The following FOXP1 variants were observed in gnomAD, a reference collection of about 807,000 sequenced individuals.
FOXP1 encodes the protein forkhead box P1.
FOXP1 carries 15 observed loss-of-function variants against 98.2 expected under a neutral mutation model. The ratio of observed to expected loss-of-function variants is 0.15; its 90% confidence interval spans 0.10 to 0.24. The LOEUF (loss-of-function observed/expected upper bound fraction) is 0.24. FOXP1 is among the 10% of genes least tolerant of loss of function. The pLI is 1.00. For synonymous variants in FOXP1, 371 were observed against 314.5 expected (o/e 1.18, Z -1.90); for missense variants, 633 against 848.5 (o/e 0.75, Z 3.15).
intron 2 of FOXP1, chr3:71,573,941 G>A (rs890413176): frequency 2.6e-5 from 4 of 152,120 alleles, no homozygotes; most frequent in Admixed American, 6.5e-5. Context: ...CAACAAACAA[G>A]GCGGAATGAC....
intron 3 of FOXP1, among the ~76,000 whole-genome samples, chr3:71,472,394 G>A (rs1020122722): frequency 2.0e-5 from 3 of 151,584 alleles, no homozygotes; most frequent in African/African-American, 4.8e-5. Flanking sequence ...TTATGGGTCC[G>A]AGAGGATTCA....
chr3:71,056,967 C>T (rs778893592), intron 7 of FOXP1, among the ~76,000 whole-genome samples: 3 of 152,290 alleles, frequency 2.0e-5, no homozygotes, highest in East Asian at 3.9e-4. Flanking sequence ...GCAGTACCAG[C>T]GAGAGGCTAT....
intron 5 of FOXP1, among the ~76,000 whole-genome samples, chr3:71,224,535 G>A (rs961014477): frequency 1.3e-5 from 2 of 152,194 alleles, no homozygotes; most frequent in African/African-American, 4.8e-5. Context: ...GAGATGGGAA[G>A]CTGTGATCAA....
Position 70,958,470 on chromosome 3 carries a change from G to C in FOXP1, c.*777C>G. The C allele has an allele frequency of 2.6e-6, 1 of 391,502 alleles. No homozygotes were observed. The highest frequency in any genetic ancestry group is 4.9e-6 in the Non-Finnish European group (1 of 203,118). The allele number at this position is 391,502 out of a possible 1,614,324, so 24.3% of individuals were successfully genotyped here. A position where few individuals can be genotyped will look rare whatever the true frequency, so the allele number is the denominator to read the frequency against. ...ACGTGGTGATGTCTGAAGGAAGATG[G>C]AATGAGTGACAGAAAGCTACAAACG... is the stretch of plus-strand genomic sequence containing the variant. On this transcript the variant is annotated 3_prime_UTR_variant, in exon 21 of 21. Coordinates refer to ENST00000649528, the MANE Select transcript of FOXP1 (RefSeq NM_001349338.3).
intron 6 of FOXP1, among the ~76,000 whole-genome samples, chr3:71,119,186 G>C (rs986652028): frequency 6.6e-6 from 1 of 152,224 alleles, no homozygotes; most frequent in East Asian, 1.9e-4. Flanking sequence ...ATCTGAAACT[G>C]TTTAAAACTT....
At chr3:71,486,782 A>G (rs1005883538) in intron 3 of FOXP1, among the ~76,000 whole-genome samples, 5 of 152,198 alleles carry the variant, frequency 3.3e-5, no homozygotes, top group Admixed American at 6.5e-5. Flanking sequence ...CATTACTTGA[A>G]CCAACTTAAC....
chr3:71,391,322 T>C (rs1167449468), intron 3 of FOXP1, among the ~76,000 whole-genome samples: 2 of 152,196 alleles, frequency 1.3e-5, no homozygotes, highest in African/African-American at 4.8e-5. Flanking sequence ...TAGACATAGG[T>C]TGAAAAATCT....
chr3:71,033,858 C>T (rs1039681732), intron 11 of FOXP1, among the ~76,000 whole-genome samples: 1 of 152,138 alleles, frequency 6.6e-6, no homozygotes, highest in African/African-American at 2.4e-5. Flanking sequence ...GTTTAGGGTA[C>T]AAAATGCTGA....
At chr3:71,198,038 T>A (rs763034664) in intron 6 of FOXP1, 164 bp downstream of exon 6, 1 of 1,614,234 alleles carries the variant, frequency 6.2e-7, no homozygotes, top group South Asian at 1.1e-5. Context: ...CTGCTGGGAC[T>A]CCTAGAGGGC....
At chr3:71,096,595 AG>A (rs1157615165) in intron 7 of FOXP1, among the ~76,000 whole-genome samples, 1 of 152,204 alleles carries the variant, frequency 6.6e-6, no homozygotes, top group Non-Finnish European at 1.5e-5. Flanking sequence ...TGGGCATCTT[AG>A]GAGGGCTCCA....
chr3:71,071,578 T>C (rs529161024), intron 7 of FOXP1, among the ~76,000 whole-genome samples: 1 of 152,244 alleles, frequency 6.6e-6, no homozygotes, highest in African/African-American at 2.4e-5. Context: ...CTATAATTTC[T>C]TTTTTTCTTT....
Position 71,230,385 on chromosome 3 carries a change from G to A in FOXP1, c.-11-31993C>T, listed in dbSNP as rs149661437. 2.0e-3 allele frequency among the ~76,000 whole-genome samples: 304 copies of A among 152,296 alleles called. 3 individuals carry two copies. The highest frequency in any genetic ancestry group is 6.5e-3 in the African/African-American group (272 of 41,560). On this transcript the variant is annotated intron_variant, in intron 5 of 20. Transcript: ENST00000649528. ...CTTACATAGCAGAATGCCTTGGGCA[G>A]ACAAAACTGCCCTCAGAGGTAGTAC...
At chr3:71,125,978 G>C (rs1037626694) in intron 6 of FOXP1, among the ~76,000 whole-genome samples, 2 of 152,132 alleles carry the variant, frequency 1.3e-5, no homozygotes, top group African/African-American at 4.8e-5. Context: ...AAGTACCTAT[G>C]TCAAATTGAT....
At chr3:71,377,972 T>C (rs2079846300) in intron 3 of FOXP1, among the ~76,000 whole-genome samples, 2 of 152,248 alleles carry the variant, frequency 1.3e-5, no homozygotes, top group South Asian at 2.1e-4. Context: ...ACATCTAAAC[T>C]TATGAGATGA....
At chr3:71,473,943 T>C (rs1320630462) in intron 3 of FOXP1, among the ~76,000 whole-genome samples, 1 of 152,172 alleles carries the variant, frequency 6.6e-6, no homozygotes, top group African/African-American at 2.4e-5. Flanking sequence ...TGAAAGATAC[T>C]GAACATGCCC....
In FOXP1 at chr3:71,108,883, T is replaced by C. The variant is rs533308541; in HGVS notation, c.282+3653A>G. On this transcript the variant is annotated intron_variant, in intron 7 of 20. Transcript: ENST00000649528. ...GCAGGGTGTGTATCTTCAACAGTTCTGTATCCCATGAACACCAGCACCATG... is the reference window on the plus strand; with the variant it reads ...GCAGGGTGTGTATCTTCAACAGTTCCGTATCCCATGAACACCAGCACCATG... Among the ~76,000 whole-genome samples the C allele has an allele frequency of 7.9e-5, 12 of 152,348 alleles. No homozygotes were observed. In the East Asian group the frequency reaches 1.9e-3, roughly 24 times the overall value.
At chr3:71,528,178 C>A (rs187834779) in intron 2 of FOXP1, among the ~76,000 whole-genome samples, 28 of 152,188 alleles carry the variant, frequency 1.8e-4, no homozygotes, top group Middle Eastern at 3.4e-3. Flanking sequence ...GTGCTTACAC[C>A]TCCCGGCATT....
intron 6 of FOXP1, among the ~76,000 whole-genome samples, chr3:71,170,286 C>G (rs919174760): frequency 2.0e-5 from 3 of 152,156 alleles, no homozygotes; most frequent in African/African-American, 7.2e-5. Flanking sequence ...CAATGACGCT[C>G]CCCCCACGCC....
chr3:71,347,906 G>C (rs1208329678), intron 4 of FOXP1, among the ~76,000 whole-genome samples: 2 of 151,458 alleles, frequency 1.3e-5, no homozygotes, highest in Admixed American at 6.6e-5. Flanking sequence ...AAACAGAGTT[G>C]TCCCTCATTA....
Sources: gnomAD v4.1 joint callset for allele counts (sites outside exome capture counted in the v4.1 genomes callset) on GRCh38, gnomAD v4.1.1 for gene constraint, MANE v1.5 for transcripts, NCBI Gene and HGNC (gene_info 2026-07-23, HGNC 2026-07-21) for gene names.